Variants in CCSER1 observed in about 807,000 individuals in gnomAD.
CCSER1 encodes the protein serine-rich coiled-coil domain-containing protein 1.
A neutral mutation model predicts 82.0 loss-of-function variants in CCSER1; 41 were observed. The observed-to-expected ratio is 0.50, with a 90% CI of 0.39 to 0.65. The LOEUF is 0.65. Ranked by LOEUF, CCSER1 falls within the 30% of genes least tolerant of loss-of-function variation. The probability of loss-of-function intolerance (pLI) is 0.00; values close to 1 mark genes in which losing one functional copy is unlikely to be tolerated. For synonymous variants in CCSER1, 414 were observed against 383.9 expected, an observed-to-expected ratio of 1.08 and a Z score of -0.92; for missense variants, 1,119 against 1,064.2, an observed-to-expected ratio of 1.05 and a Z score of -0.72.
intron 5 of CCSER1, among the ~76,000 whole-genome samples, chr4:90,534,387 C>G (rs1775017416): frequency 6.6e-6 from 1 of 151,658 alleles, no homozygotes; most frequent in South Asian, 2.1e-4. Flanking sequence ...CCTCGGCCTC[C>G]CGAAGTGCTG....
intron 10 of CCSER1, among the ~76,000 whole-genome samples, chr4:91,351,930 A>T (rs1021437046): frequency 6.6e-6 from 1 of 152,088 alleles, no homozygotes; most frequent in Admixed American, 6.5e-5. Flanking sequence ...AATTGTACAT[A>T]ATATAAATGA....
At chr4:90,425,922 T>TA (rs534340815) in intron 4 of CCSER1, among the ~76,000 whole-genome samples, 161 of 151,058 alleles carry the variant, frequency 1.1e-3, no homozygotes, top group African/African-American at 3.8e-3. Context: ...TCTATTTTTT[T>TA]TAAAAAAAAA....
intron 10 of CCSER1, among the ~76,000 whole-genome samples, chr4:91,367,125 C>T (rs1181158611): frequency 5.8e-5 from 7 of 119,958 alleles, no homozygotes; most frequent in Middle Eastern, 8.5e-3. Context: ...GAAACACCAT[C>T]TCTCCAAAAA....
At chr4:90,542,952 A>G (rs1158218709) in intron 5 of CCSER1, among the ~76,000 whole-genome samples, 1 of 152,148 alleles carries the variant, frequency 6.6e-6, no homozygotes, top group Non-Finnish European at 1.5e-5. Context: ...AGTTATGCTT[A>G]TGTATTATAC....
intron 10 of CCSER1, among the ~76,000 whole-genome samples, chr4:91,380,444 A>G (rs982520305): frequency 2.0e-5 from 3 of 152,184 alleles, no homozygotes; most frequent in Non-Finnish European, 2.9e-5. Context: ...TATTGGGTGC[A>G]TATATATTTA....
intron 8 of CCSER1, among the ~76,000 whole-genome samples, chr4:90,917,341 A>AC (rs1727627702): frequency 6.6e-6 from 1 of 152,220 alleles, no homozygotes; most frequent in Non-Finnish European, 1.5e-5. Flanking sequence ...AGCCATAAAA[A>AC]TGATGAGTTC....
intron 3 of CCSER1, among the ~76,000 whole-genome samples, chr4:90,361,810 C>G (rs984851493): frequency 6.6e-6 from 1 of 152,210 alleles, no homozygotes; most frequent in Non-Finnish European, 1.5e-5. Context: ...TAATGGGAGA[C>G]AGTTCTCTGT....
At chr4:91,104,359 G>A (rs558099477) in intron 10 of CCSER1, among the ~76,000 whole-genome samples, 2 of 152,124 alleles carry the variant, frequency 1.3e-5, no homozygotes, top group South Asian at 2.1e-4. Flanking sequence ...ATAAAAACTT[G>A]CTGGTTTTGA....
intron 7 of CCSER1, among the ~76,000 whole-genome samples, chr4:90,769,386 A>T (rs1751741289): frequency 6.6e-6 from 1 of 152,170 alleles, no homozygotes. Context: ...GCTGATAGGG[A>T]GTAGACTGAG....
chr4:91,399,516 C>G (rs1752194502), intron 10 of CCSER1, among the ~76,000 whole-genome samples: 1 of 151,906 alleles, frequency 6.6e-6, no homozygotes, highest in Non-Finnish European at 1.5e-5. Flanking sequence ...TTCCTCTAAC[C>G]ACTGAACAGG....
At chr4:90,896,461 A>G (rs945267076) in intron 8 of CCSER1, among the ~76,000 whole-genome samples, 3 of 152,008 alleles carry the variant, frequency 2.0e-5, no homozygotes, top group African/African-American at 7.2e-5. Context: ...AGTGACTGGC[A>G]TCACGAATAT....
intron 10 of CCSER1, among the ~76,000 whole-genome samples, chr4:91,295,892 T>C (rs751378303): frequency 6.6e-6 from 1 of 151,904 alleles, no homozygotes; most frequent in African/African-American, 2.4e-5. Context: ...TGTATTAGGA[T>C]ATTTTATGCA....
chr4:91,423,507 T>C lies in CCSER1; in HGVS notation c.2218-175065T>C, dbSNP rs1753798929. 2.0e-5 allele frequency among the ~76,000 whole-genome samples: 3 copies of C among 152,084 alleles called. No homozygotes were observed. In the South Asian group the frequency reaches 6.2e-4, roughly 32 times the overall value. ...AGGAACCTGATAATCAGAGGTTTGC[T>C]TAGCAAAAATAGGTGAAAGAAATAC... On this transcript the variant is annotated intron_variant, in intron 10 of 10. Transcript: ENST00000509176.
chr4:90,640,647 A>T (rs1726329415), intron 6 of CCSER1, among the ~76,000 whole-genome samples: 1 of 152,154 alleles, frequency 6.6e-6, no homozygotes, highest in Non-Finnish European at 1.5e-5. Flanking sequence ...GGGAGAGACC[A>T]TGTGGAGGTA....
chr4:90,710,398 T>G (rs2149321911), intron 6 of CCSER1, among the ~76,000 whole-genome samples: 1 of 152,296 alleles, frequency 6.6e-6, no homozygotes, highest in African/African-American at 2.4e-5. Flanking sequence ...TCATGAAATC[T>G]TTGCTCATGC....
At chr4:90,981,202 G>C (rs933885427) in intron 9 of CCSER1, among the ~76,000 whole-genome samples, 1 of 151,770 alleles carries the variant, frequency 6.6e-6, no homozygotes, top group Admixed American at 6.6e-5. Flanking sequence ...TAACATATTT[G>C]ACAATGCAAA....
chr4:90,580,523 C>G (rs1033012040), intron 5 of CCSER1, among the ~76,000 whole-genome samples: 2 of 152,176 alleles, frequency 1.3e-5, no homozygotes, highest in Non-Finnish European at 2.9e-5. Flanking sequence ...TTAGTGTAAA[C>G]TATCTGATCA....
chr4:90,258,042 C>G lies in CCSER1; in HGVS notation c.-41-50202C>G, dbSNP rs186127028. Reference sequence around the variant, plus strand: ...TCAAGTTGACACATAAAATTAACCGCCACACTGTTCAGTTTTCCTAGCTGT... The same window carrying G: ...TCAAGTTGACACATAAAATTAACCGGCACACTGTTCAGTTTTCCTAGCTGT... On this transcript the variant is annotated intron_variant, in intron 1 of 10. Coordinates refer to ENST00000509176, the MANE Select transcript of CCSER1 (RefSeq NM_001145065.2). Among the ~76,000 whole-genome samples, 1,212 of 152,226 alleles carry G rather than the reference C, an allele frequency of 8.0e-3. 15 individuals are homozygous for G. Among genetic ancestry groups the G allele is most frequent in the African/African-American group, 0.028 (1,160 of 41,536 alleles).
chr4:90,539,533 A>G (rs1205461828), intron 5 of CCSER1, among the ~76,000 whole-genome samples: 6 of 152,080 alleles, frequency 3.9e-5, no homozygotes, highest in African/African-American at 9.7e-5. Flanking sequence ...ATTCATTGTT[A>G]TTATAATTTG....
Sources: allele counts gnomAD v4.1 joint callset (sites outside exome capture counted in the v4.1 genomes callset), GRCh38; gene constraint gnomAD v4.1.1; transcripts MANE v1.5; gene names NCBI Gene and HGNC (gene_info 2026-07-23, HGNC 2026-07-21).